Variants in DNAH9 observed in about 807,000 individuals in gnomAD.
DNAH9 encodes DNAH9 variant protein.
A neutral mutation model predicts 471.6 loss-of-function variants in DNAH9; 345 were observed. That is an observed-to-expected ratio of 0.73 (90% CI 0.67 to 0.80). The LOEUF (loss-of-function observed/expected upper bound fraction) is 0.80, where lower values mean the gene tolerates loss of function less well. DNAH9 is among the 30% of genes least tolerant of loss of function. The probability of loss-of-function intolerance (pLI) is 0.00; values close to 1 mark genes in which losing one functional copy is unlikely to be tolerated. For synonymous variants in DNAH9, 2,093 were observed against 2,123.6 expected (o/e 0.99, Z 0.40); for missense variants, 5,407 against 5,609.2 (o/e 0.96, Z 1.15).
intron 60 of DNAH9, 131 bp downstream of exon 60, chr17:11,903,043 A>T: frequency 9.5e-7 from 1 of 1,053,486 alleles, no homozygotes; most frequent in Non-Finnish European, 1.4e-6. Flanking sequence ...GGGTGGGAAT[A>T]GAAATTAACT....
intron 10 of DNAH9, among the ~76,000 whole-genome samples, chr17:11,644,355 G>A (rs1394320903): frequency 6.6e-6 from 1 of 152,128 alleles, no homozygotes; most frequent in Non-Finnish European, 1.5e-5. Flanking sequence ...TACCTTGTGT[G>A]TGACTGGCTC....
intron 15 of DNAH9, among the ~76,000 whole-genome samples, chr17:11,666,865 C>T (rs2073879370): frequency 6.6e-6 from 1 of 152,168 alleles, no homozygotes; most frequent in African/African-American, 2.4e-5. Flanking sequence ...CCTTTGGAGT[C>T]TAGAGCAGAG....
intron 41 of DNAH9, among the ~76,000 whole-genome samples, chr17:11,789,502 G>C (rs1223641290): frequency 6.6e-6 from 1 of 151,912 alleles, no homozygotes; most frequent in Non-Finnish European, 1.5e-5. Context: ...AATATCTGCT[G>C]TATCTGACAT....
chr17:11,884,367 C>A, intron 56 of DNAH9: 1 of 314,978 alleles, frequency 3.2e-6, no homozygotes, highest in Non-Finnish European at 6.4e-6. Flanking sequence ...GGGGCCCAAC[C>A]CCTGCTCTGT....
chr17:11,766,982 AAAAG>A (rs954522702), intron 36 of DNAH9, among the ~76,000 whole-genome samples: 3 of 150,414 alleles, frequency 2.0e-5, no homozygotes, highest in African/African-American at 7.3e-5. Context: ...AAAAAAAAAA[AAAAG>A]AAAGAAAAGG....
chr17:11,866,752 C>A (rs923791606), intron 50 of DNAH9, among the ~76,000 whole-genome samples: 1 of 152,106 alleles, frequency 6.6e-6, no homozygotes, highest in African/African-American at 2.4e-5. Context: ...GCCTCGCTGC[C>A]GCCTTGCAGT....
At chr17:11,902,443 A>G (rs1187876668) in intron 59 of DNAH9, among the ~76,000 whole-genome samples, 2 of 152,144 alleles carry the variant, frequency 1.3e-5, no homozygotes, top group Non-Finnish European at 2.9e-5. Context: ...TTTTCCATGT[A>G]CACACCTACA....
At position 11,610,519 on chromosome 17, in the gene DNAH9, C is replaced by T. The variant is rs1477742827; in HGVS notation, c.738C>T (p.Pro246=). 4 of 1,612,954 alleles carry T rather than the reference C, an allele frequency of 2.5e-6. No individual in the cohort carries two copies. Among genetic ancestry groups the T allele is most frequent in the Non-Finnish European group, 1.7e-6 (2 of 1,179,994 alleles). The change falls in exon 3 of 69, where the codon CCC becomes CCT. Residue 246 remains proline (P), a synonymous_variant. Transcript: ENST00000262442. ...AGCCACTCTTACAAGGGGAGAATCC[C>T]ACCCCTAAGGTGGAGTTGGAGTTCT... ...SSQPLLQGEN[P]TPKVELEFWK... is the part of the protein sequence containing the mutation.
At chr17:11,912,940 G>A (rs192231643) in intron 61 of DNAH9, among the ~76,000 whole-genome samples, 92 of 151,970 alleles carry the variant, frequency 6.1e-4, no homozygotes, top group African/African-American at 2.1e-3. Flanking sequence ...GGCTGAAGTG[G>A]GTGGATCACC....
chr17:11,959,925 T>G (rs1032388317), intron 67 of DNAH9, among the ~76,000 whole-genome samples: 1 of 152,256 alleles, frequency 6.6e-6, no homozygotes, highest in Non-Finnish European at 1.5e-5. Flanking sequence ...TTAGGGATAT[T>G]GGTCTTTTCT....
Position 11,834,721 on chromosome 17 carries a change from C to A in DNAH9, c.9330C>A (p.Val3110=), listed in dbSNP as rs532161159. The change falls in exon 49 of 69, where the codon GTC becomes GTA. Residue 3110 remains valine (V), a synonymous_variant. Coordinates refer to ENST00000262442, the MANE Select transcript of DNAH9 (RefSeq NM_001372.4). ...AAGATGCAGACAAACTGATTCAGGTCGTGGGTGTGGAGACTGACAAAGTGA... is the reference window on the plus strand; with the variant it reads ...AAGATGCAGACAAACTGATTCAGGTAGTGGGTGTGGAGACTGACAAAGTGA... The part of the protein sequence containing the change: ...KNEDADKLIQ[V]VGVETDKVSR... The A allele has an allele frequency of 1.2e-6, 2 of 1,613,962 alleles. No individual in the cohort carries two copies. Among genetic ancestry groups the A allele is most frequent in the African/African-American group, 1.3e-5 (1 of 75,002 alleles).
chr17:11,606,626 T>C (rs1488839828), intron 1 of DNAH9, among the ~76,000 whole-genome samples: 1 of 151,382 alleles, frequency 6.6e-6, no homozygotes, highest in African/African-American at 2.4e-5. Context: ...ATTTTTTGTA[T>C]TTTAGTAGAG....
intron 41 of DNAH9, among the ~76,000 whole-genome samples, chr17:11,789,922 C>T (rs1449769477): frequency 2.0e-5 from 3 of 151,834 alleles, no homozygotes; most frequent in African/African-American, 7.2e-5. Context: ...ATTTAATTTC[C>T]ACTATGATTT....
intron 19 of DNAH9, among the ~76,000 whole-genome samples, chr17:11,683,624 T>C (rs2074178745): frequency 6.6e-6 from 1 of 152,144 alleles, no homozygotes; most frequent in Admixed American, 6.6e-5. Context: ...CCTTCATGGG[T>C]ATATTTTGTG....
chr17:11,665,205 T>C (rs986058004), intron 15 of DNAH9, among the ~76,000 whole-genome samples: 1 of 152,272 alleles, frequency 6.6e-6, no homozygotes, highest in Non-Finnish European at 1.5e-5. Context: ...GTGGTGCACA[T>C]AGCAAAAGTA....
At chr17:11,949,731 TCCACC>T (rs1975291367) in intron 67 of DNAH9, among the ~76,000 whole-genome samples, 1 of 152,096 alleles carries the variant, frequency 6.6e-6, no homozygotes, top group Non-Finnish European at 1.5e-5. Context: ...ATCACCTACC[TCCACC>T]ACAAAGTGCT....
intron 56 of DNAH9, 104 bp from the exon 57 acceptor site, chr17:11,886,721 C>T (rs1972888884): frequency 1.4e-6 from 2 of 1,403,678 alleles, no homozygotes; most frequent in South Asian, 1.5e-5. Flanking sequence ...CTCTTCACTC[C>T]ATCCCCTAAG....
chr17:11,674,620 G>T (rs2074022332), intron 17 of DNAH9, among the ~76,000 whole-genome samples: 1 of 151,986 alleles, frequency 6.6e-6, no homozygotes, highest in Non-Finnish European at 1.5e-5. Context: ...CTTGCAAATG[G>T]AGTCTACCAT....
chr17:11,773,099 G>A (rs1262356424), intron 38 of DNAH9, among the ~76,000 whole-genome samples: 3 of 152,234 alleles, frequency 2.0e-5, no homozygotes, highest in Non-Finnish European at 2.9e-5. Context: ...TAAGAGAGAT[G>A]TGTAAACTCA....
Sources: gnomAD v4.1 joint callset for allele counts (sites outside exome capture counted in the v4.1 genomes callset) on GRCh38, gnomAD v4.1.1 for gene constraint, MANE v1.5 for transcripts, NCBI Gene and HGNC (gene_info 2026-07-23, HGNC 2026-07-21) for gene names.